AMPH: variants seen among roughly 807,000 people sequenced by gnomAD.
The protein encoded by AMPH is amphiphysin (Stiff-Mann syndrome with breast cancer 128kD autoantigen).
In AMPH, 49 loss-of-function variants were observed where a neutral mutation model predicts 99.1. The observed-to-expected ratio is 0.49, with a 90% CI of 0.39 to 0.63. The LOEUF is 0.63. Ranked by LOEUF, AMPH falls within the 20% of genes least tolerant of loss-of-function variation. The pLI is 0.00. For missense variants in AMPH, 759 were observed against 863.4 expected (o/e 0.88, Z 1.52); for synonymous variants, 314 against 317.3 (o/e 0.99, Z 0.11).
At chr7:38,628,921 A>G (rs1794356993) in intron 1 of AMPH, among the ~76,000 whole-genome samples, 1 of 152,244 alleles carries the variant, frequency 6.6e-6, no homozygotes, top group Non-Finnish European at 1.5e-5. Flanking sequence ...TCAGACATGC[A>G]GTTGGAGCCT....
chr7:38,482,430 T>C (rs1788320890), intron 5 of AMPH, among the ~76,000 whole-genome samples: 1 of 152,170 alleles, frequency 6.6e-6, no homozygotes, highest in Non-Finnish European at 1.5e-5. Context: ...AAAAGTTATA[T>C]TGAGCTCTTC....
At chr7:38,452,051 T>G (rs1481627605) in intron 11 of AMPH, among the ~76,000 whole-genome samples, 1 of 152,220 alleles carries the variant, frequency 6.6e-6, no homozygotes, top group Non-Finnish European at 1.5e-5. Context: ...AATGGATTTC[T>G]GTCTTCAATC....
intron 1 of AMPH, among the ~76,000 whole-genome samples, chr7:38,574,307 T>C (rs962826185): frequency 6.6e-6 from 1 of 152,222 alleles, no homozygotes; most frequent in Non-Finnish European, 1.5e-5. Context: ...AGGTGATTTA[T>C]CAAAACCTCT....
intron 17 of AMPH, among the ~76,000 whole-genome samples, chr7:38,417,205 G>T (rs894839190): frequency 6.6e-6 from 1 of 152,174 alleles, no homozygotes; most frequent in African/African-American, 2.4e-5. Flanking sequence ...TTGCAATGTG[G>T]TGTTCTTTAT....
At chr7:38,581,424 C>A (rs1031743419) in intron 1 of AMPH, among the ~76,000 whole-genome samples, 9 of 152,026 alleles carry the variant, frequency 5.9e-5, no homozygotes, top group Non-Finnish European at 1.2e-4. Flanking sequence ...AGAGGTCCCA[C>A]AAGGATGTCA....
In AMPH at chr7:38,394,211, T is replaced by C. The variant is rs969901002; in HGVS notation, c.1402A>G (p.Ile468Val). Reference protein sequence around the residue: ...AEEPVEEAVIIPGADADAAVG... With the variant: ...AEEPVEEAVIVPGADADAAVG... ...GCTGCATCAGCATCAGCTCCAGGTA[T>C]GATCTGCAGGGCAGAAACCAGCAGG... is the stretch of plus-strand genomic sequence containing the variant. Residue 468 changes from isoleucine (I) to valine (V), a missense_variant, in exon 18 of 21, where the codon ATA (isoleucine) becomes GTA (valine). Physicochemically the swap from Ile to Val is conservative, Grantham distance 29. Transcript: ENST00000356264. 1 of 1,614,122 alleles carries C rather than the reference T, an allele frequency of 6.2e-7. No homozygotes were observed. Among genetic ancestry groups the C allele is most frequent in the Non-Finnish European group, 8.5e-7 (1 of 1,180,014 alleles).
Position 38,389,881 on chromosome 7 carries a change from C to T in AMPH, c.1903G>A (p.Ala635Thr), listed in dbSNP as rs377538910. Residue 635 changes from alanine (A) to threonine (T), a missense_variant, in exon 20 of 21, where the codon GCA (alanine) becomes ACA (threonine). Ala to Thr is a moderately conservative substitution (Grantham distance 58). Transcript: ENST00000356264. ...AAGGTAAGTTCATCAGAATTTGCTG[C>T]CTCAAAATCATGCAGTGTTTCCACC... ...YKVETLHDFE[A>T]ANSDELTLQR... The T allele has an allele frequency of 1.7e-5, 27 of 1,613,552 alleles. No homozygotes were observed. The highest frequency in any genetic ancestry group is 2.2e-5 in the Non-Finnish European group (26 of 1,179,924).
chr7:38,454,575 C>T (rs996812599), intron 11 of AMPH, among the ~76,000 whole-genome samples: 4 of 151,938 alleles, frequency 2.6e-5, no homozygotes, highest in African/African-American at 7.2e-5. Flanking sequence ...AGGAACAGGC[C>T]TGCAAGTAGC....
intron 1 of AMPH, among the ~76,000 whole-genome samples, chr7:38,618,506 T>C (rs4720297): frequency 0.86 from 130,284 of 152,048 alleles, 56,402 homozygotes; most frequent in African/African-American, 0.97. Context: ...AGTGAGACTC[T>C]GTCTCAAAAA....
chr7:38,493,675 T>G (rs909520623), intron 4 of AMPH, among the ~76,000 whole-genome samples: 6 of 152,162 alleles, frequency 3.9e-5, no homozygotes, highest in African/African-American at 1.4e-4. Flanking sequence ...TCTGACTTTG[T>G]GCTTGTCTTC....
chr7:38,584,700 A>G (rs1442846240), intron 1 of AMPH, among the ~76,000 whole-genome samples: 1 of 152,160 alleles, frequency 6.6e-6, no homozygotes, highest in Admixed American at 6.5e-5. Flanking sequence ...AGAACTAGGG[A>G]ATCAACATTC....
intron 1 of AMPH, among the ~76,000 whole-genome samples, chr7:38,611,416 G>A (rs2129066306): frequency 6.6e-6 from 1 of 152,302 alleles, no homozygotes; most frequent in Admixed American, 6.5e-5. Flanking sequence ...TAACAATACT[G>A]TACTGTACAC....
At chr7:38,396,505 T>C (rs908464067) in intron 17 of AMPH, among the ~76,000 whole-genome samples, 2 of 152,196 alleles carry the variant, frequency 1.3e-5, no homozygotes, top group Admixed American at 6.5e-5. Context: ...ATCAGCAGCA[T>C]GAAAATGGAC....
intron 1 of AMPH, among the ~76,000 whole-genome samples, chr7:38,554,026 C>T (rs1044990087): frequency 2.0e-5 from 3 of 152,198 alleles, no homozygotes; most frequent in African/African-American, 7.2e-5. Flanking sequence ...TGACCCGCAG[C>T]CCCAGCTGCA....
chr7:38,525,083 T>TG (rs1790111323), intron 2 of AMPH, among the ~76,000 whole-genome samples: 2 of 151,902 alleles, frequency 1.3e-5, no homozygotes, highest in South Asian at 4.2e-4. Flanking sequence ...ATATTTTAAA[T>TG]GAAGTTTCAA....
At chr7:38,594,802 C>T (rs1472612867) in intron 1 of AMPH, among the ~76,000 whole-genome samples, 2 of 152,032 alleles carry the variant, frequency 1.3e-5, no homozygotes, top group Admixed American at 6.5e-5. Flanking sequence ...AAGATAAAGA[C>T]ATCAGTGCTG....
chr7:38,432,853 C>A (rs947379394), intron 12 of AMPH, among the ~76,000 whole-genome samples: 1 of 152,146 alleles, frequency 6.6e-6, no homozygotes, highest in African/African-American at 2.4e-5. Context: ...TGGCAGAGCA[C>A]CCCCTAAGAC....
intron 10 of AMPH, among the ~76,000 whole-genome samples, chr7:38,461,706 TA>T (rs1458170893): frequency 6.6e-6 from 1 of 152,204 alleles, no homozygotes; most frequent in Non-Finnish European, 1.5e-5. Context: ...CTTTAAAGGT[TA>T]AACTAGGGCA....
chr7:38,573,686 TC>T, intron 1 of AMPH, among the ~76,000 whole-genome samples: 1 of 152,372 alleles, frequency 6.6e-6, no homozygotes, highest in East Asian at 1.9e-4. Flanking sequence ...AGGGAGACTC[TC>T]CTGATCTGAA....
Sources: allele counts gnomAD v4.1 joint callset (sites outside exome capture counted in the v4.1 genomes callset), GRCh38; gene constraint gnomAD v4.1.1; transcripts MANE v1.5; gene names NCBI Gene and HGNC (gene_info 2026-07-23, HGNC 2026-07-21).